PROX1: variants seen among roughly 807,000 people sequenced by gnomAD.
The protein encoded by PROX1 is prospero homeobox 1, also known as prospero homeobox protein 1.
In PROX1, 7 loss-of-function variants were observed where a neutral mutation model predicts 58.8. The observed-to-expected ratio is 0.12, with a 90% CI of 0.07 to 0.22. The LOEUF is 0.22. Among genes scored for constraint, PROX1 ranks in the 10% least tolerant of loss-of-function variants. The pLI, the probability that PROX1 is intolerant of heterozygous loss-of-function variation, is 1.00. For synonymous variants in PROX1, 350 were observed against 358.3 expected, an observed-to-expected ratio of 0.98 and a Z score of 0.26; for missense variants, 675 against 927.8, an observed-to-expected ratio of 0.73 and a Z score of 3.54.
At chr1:213,987,962 G>T (rs954544299), upstream of PROX1, 3 of 151,504 alleles carry the variant, frequency 2.0e-5, no homozygotes, top group Non-Finnish European at 2.9e-5. Flanking sequence ...TTGTTGTGGA[G>T]CGGAGCCCTC....
intron 1 of PROX1, among the ~76,000 whole-genome samples, chr1:213,992,825 CTTCT>C (rs1456418816): frequency 1.3e-5 from 2 of 152,166 alleles, no homozygotes; most frequent in African/African-American, 2.4e-5. Flanking sequence ...CCCGAAATAA[CTTCT>C]TTATTAAAGT....
At chr1:214,012,051 A>G (rs74139088) in intron 4 of PROX1, among the ~76,000 whole-genome samples, 9,704 of 152,248 alleles carry the variant, frequency 0.064, 544 homozygotes, top group Admixed American at 0.15. Context: ...CCCTACTCCA[A>G]TAGACCTTTT....
At chr1:213,995,448 CT>C (rs1446426843) in intron 1 of PROX1, among the ~76,000 whole-genome samples, 1 of 146,602 alleles carries the variant, frequency 6.8e-6, no homozygotes, top group Admixed American at 6.9e-5. Context: ...TATATATCTT[CT>C]TTCAGTTTTT....
In PROX1 at chr1:214,039,004, AAAG is replaced by A. The variant is rs1383523535; in HGVS notation, c.*3171_*3173del. 1.3e-5 allele frequency: 2 copies of A among 152,206 alleles called. No individual in the cohort carries two copies. Among genetic ancestry groups the A allele is most frequent in the Non-Finnish European group, 2.9e-5 (2 of 68,044 alleles). The allele number at this position is 152,206 out of a possible 1,614,324, so 9.4% of individuals were successfully genotyped here. A position where few individuals can be genotyped will look rare whatever the true frequency, so the allele number is the denominator to read the frequency against. On this transcript the variant is annotated 3_prime_UTR_variant, in exon 5 of 5. Coordinates refer to ENST00000366958, the MANE Select transcript of PROX1 (RefSeq NM_001270616.2). ...ATCTTGTGTTTTCTTAGCCTAATGA[AAAG>A]TAGTATAGAAGCAATATTTCATACC...
chr1:214,021,504 C>T (rs1664278845), intron 4 of PROX1, among the ~76,000 whole-genome samples: 1 of 152,216 alleles, frequency 6.6e-6, no homozygotes, highest in Admixed American at 6.5e-5. Context: ...AGCCTAATCT[C>T]ATACAGTAAG....
At chr1:213,986,574 C>T (rs1662830994), upstream of PROX1, among the ~76,000 whole-genome samples, 1 of 152,154 alleles carries the variant, frequency 6.6e-6, no homozygotes, top group Non-Finnish European at 1.5e-5. Context: ...TAACACACCT[C>T]ATAAATACCC....
Position 213,997,779 on chromosome 1 carries a change from T to G in PROX1, c.1244T>G (p.Val415Gly). Residue 415 changes from valine (V) to glycine (G), a missense_variant, in exon 2 of 5, where the codon GTC becomes GGC. Around this residue, in one of 8 missense-constraint regions of PROX1, gnomAD observed 403 missense variants for 477.4 expected, o/e 0.84. Transcript: ENST00000366958. The surrounding 1 kb of genome is among the most constrained non-coding windows in gnomAD (Gnocchi z 7.1). ...CAGCGCCTGCAGTGCTTTGGCGACGTCATCATTCCGAACCCCCTGGACACC... is the reference window on the plus strand; with the variant it reads ...CAGCGCCTGCAGTGCTTTGGCGACGGCATCATTCCGAACCCCCTGGACACC... ...ANQRLQCFGD[V>G]IIPNPLDTFG... The G allele has an allele frequency of 6.2e-7, 1 of 1,614,222 alleles. No homozygotes were observed. The highest frequency in any genetic ancestry group is 8.5e-7 in the Non-Finnish European group (1 of 1,180,046).
At chr1:214,014,232 C>T (rs1458438274) in intron 4 of PROX1, among the ~76,000 whole-genome samples, 1 of 152,224 alleles carries the variant, frequency 6.6e-6, no homozygotes, top group Non-Finnish European at 1.5e-5. Flanking sequence ...CTGAATACCT[C>T]CACTGATACT....
At chr1:213,987,135 C>G (rs535891397), upstream of PROX1, among the ~76,000 whole-genome samples, 4 of 152,172 alleles carry the variant, frequency 2.6e-5, no homozygotes, top group Non-Finnish European at 5.9e-5. Context: ...GCTGCTTTAC[C>G]TACAATCCAA....
chr1:214,031,897 A>T (rs2102779130), intron 4 of PROX1, among the ~76,000 whole-genome samples: 1 of 152,328 alleles, frequency 6.6e-6, no homozygotes, highest in Non-Finnish European at 1.5e-5. Flanking sequence ...GCTACCCAAA[A>T]GTGTACCTCT....
In PROX1 at chr1:213,996,544, C is replaced by A. The variant is rs1176782007; in HGVS notation, c.9C>A (p.Asp3Glu). The change falls in exon 2 of 5, where the codon GAC becomes GAA. Residue 3 changes from aspartate (D) to glutamate (E), a missense_variant. Physicochemically the swap from Asp to Glu is conservative, Grantham distance 45 (BLOSUM62 2). Around this residue, in one of 8 missense-constraint regions of PROX1, gnomAD observed 157 missense variants for 197.8 expected, o/e 0.79. Transcript: ENST00000366958. MP[D>E]HDSTALLSRQ... ...ACAATAACCGTCCAGTGATGCCTGA[C>A]CATGACAGCACAGCCCTCTTAAGCC... 6.2e-7 allele frequency: 1 copy of A among 1,612,742 alleles called. No homozygotes were observed. Among genetic ancestry groups the A allele is most frequent in the Non-Finnish European group, 8.5e-7 (1 of 1,179,214 alleles).
At chr1:214,032,955 C>A (rs1664708215) in intron 4 of PROX1, among the ~76,000 whole-genome samples, 1 of 152,208 alleles carries the variant, frequency 6.6e-6, no homozygotes, top group African/African-American at 2.4e-5. Flanking sequence ...AGACTGCATA[C>A]AACCCCCAAA....
At chr1:213,991,954 G>A (rs969264862) in intron 1 of PROX1, among the ~76,000 whole-genome samples, 2 of 152,180 alleles carry the variant, frequency 1.3e-5, no homozygotes, top group Non-Finnish European at 2.9e-5. Context: ...ACTTGGAAAG[G>A]AACCATATAC....
chr1:214,039,582 C>T lies in PROX1; in HGVS notation c.*3748C>T, dbSNP rs1371876466. 6.6e-6 allele frequency: 1 copy of T among 152,170 alleles called. No individual in the cohort carries two copies. The highest frequency in any genetic ancestry group is 1.5e-5 in the Non-Finnish European group (1 of 68,032). The allele number at this position is 152,170 out of a possible 1,614,324, so 9.4% of individuals were successfully genotyped here. Reference sequence around the variant, plus strand: ...TTAATAAATAACTACATTCTCACGACATCTGTTGAATTTACTAGGAACACT... The same window carrying T: ...TTAATAAATAACTACATTCTCACGATATCTGTTGAATTTACTAGGAACACT... On this transcript the variant is annotated 3_prime_UTR_variant, in exon 5 of 5. Coordinates refer to ENST00000366958, the MANE Select transcript of PROX1 (RefSeq NM_001270616.2).
chr1:214,027,856 T>TTATATATATATA (rs139270548), intron 4 of PROX1, among the ~76,000 whole-genome samples: 13 of 144,928 alleles, frequency 9.0e-5, no homozygotes, highest in African/African-American at 2.7e-4. Context: ...TTTCGAAGCT[T>TTATATATATATA]TATATATATA....
intron 1 of PROX1, among the ~76,000 whole-genome samples, chr1:213,990,161 A>G (rs1209153346): frequency 1.4e-5 from 2 of 147,248 alleles, no homozygotes; most frequent in East Asian, 3.9e-4. Flanking sequence ...GAAAGAAAAG[A>G]AAAAAAAAAG....
chr1:213,986,093 G>A (rs1662817291), upstream of PROX1: 1 of 152,226 alleles, frequency 6.6e-6, no homozygotes. Context: ...ACCAATAGAA[G>A]CATTATTCCG....
intron 3 of PROX1, among the ~76,000 whole-genome samples, chr1:214,008,408 A>AAAC (rs567205314): frequency 9.7e-5 from 14 of 143,892 alleles, no homozygotes; most frequent in South Asian, 8.4e-4. Context: ...AACAAAAAAC[A>AAAC]AACAACAACA....
intron 4 of PROX1, among the ~76,000 whole-genome samples, chr1:214,032,850 T>C (rs1380805369): frequency 6.6e-6 from 1 of 152,188 alleles, no homozygotes; most frequent in East Asian, 1.9e-4. Context: ...AAGGATAACC[T>C]ATGATTGCCA....
Sources: allele counts gnomAD v4.1 joint callset (sites outside exome capture counted in the v4.1 genomes callset), GRCh38; gene constraint gnomAD v4.1.1; regional missense constraint gnomAD v4.1.1; non-coding constraint Gnocchi (gnomAD v3.1); transcripts MANE v1.5; gene names NCBI Gene and HGNC (gene_info 2026-07-23, HGNC 2026-07-21).